The following DUSP29 variants were observed in gnomAD, a reference collection of about 807,000 sequenced individuals.
DUSP29 encodes the protein atypical dual-specific protein phosphatase.
In DUSP29, 12 loss-of-function variants were observed where a neutral mutation model predicts 13.5. The ratio of observed to expected loss-of-function variants is 0.89; its 90% CI spans 0.57 to 1.44. The LOEUF (loss-of-function observed/expected upper bound fraction) is 1.44, where lower values mean the gene tolerates loss of function less well. Among genes scored for constraint, DUSP29 ranks in the 40% most tolerant of loss-of-function variants. The pLI, the probability that DUSP29 is intolerant of heterozygous loss-of-function variation, is 0.00. For synonymous variants in DUSP29, 134 were observed against 128.7 expected (o/e 1.04, Z -0.28); for missense variants, 308 against 301.1 (o/e 1.02, Z -0.17).
intron 2 of DUSP29, among the ~76,000 whole-genome samples, chr10:75,053,826 G>C (rs755502462): frequency 7.9e-5 from 12 of 152,210 alleles, no homozygotes; most frequent in South Asian, 2.1e-4. Flanking sequence ...AAGGTGTCCA[G>C]TAAAGGGTTA....
intron 2 of DUSP29, among the ~76,000 whole-genome samples, chr10:75,055,165 T>C (rs1846931199): frequency 6.6e-6 from 1 of 152,128 alleles, no homozygotes; most frequent in Admixed American, 6.5e-5. Flanking sequence ...ATAGGAAATA[T>C]TTACTACATT....
chr10:75,073,034 A>C (rs1184182463), intron 1 of DUSP29, among the ~76,000 whole-genome samples: 2 of 143,360 alleles, frequency 1.4e-5, no homozygotes, highest in African/African-American at 2.6e-5. Context: ...CCCCAACCCC[A>C]TCCTCCCACC....
chr10:75,066,089 A>T (rs937846512), intron 1 of DUSP29, among the ~76,000 whole-genome samples: 3 of 152,130 alleles, frequency 2.0e-5, no homozygotes, highest in African/African-American at 7.2e-5. Flanking sequence ...AAAGAGGTGG[A>T]GTGAAACAAA....
chr10:75,044,118 G>A, intron 2 of DUSP29, 101 bp from the exon 3 acceptor site: 1 of 1,133,474 alleles, frequency 8.8e-7, no homozygotes, highest in Non-Finnish European at 1.2e-6. Context: ...TCCAGTTCCA[G>A]AATGAGGACT....
chr10:75,043,741 G>A, intron 3 of DUSP29, 56 bp downstream of exon 3: 1 of 1,476,272 alleles, frequency 6.8e-7, no homozygotes, highest in Non-Finnish European at 9.1e-7. Flanking sequence ...TACGGGCGGG[G>A]CGAGTCGGGG....
At chr10:75,044,861 G>A (rs1846670723) in intron 2 of DUSP29, among the ~76,000 whole-genome samples, 2 of 152,142 alleles carry the variant, frequency 1.3e-5, no homozygotes, top group Non-Finnish European at 2.9e-5. Context: ...GTCACTACAA[G>A]TGTCAACATT....
chr10:75,044,674 G>A (rs1369629891), intron 2 of DUSP29, among the ~76,000 whole-genome samples: 1 of 152,140 alleles, frequency 6.6e-6, no homozygotes, highest in East Asian at 1.9e-4. Context: ...TTATTTAATG[G>A]GCTACAGCTT....
intron 2 of DUSP29, among the ~76,000 whole-genome samples, 177 bp downstream of exon 2, chr10:75,058,138 T>C (rs1041860211): frequency 6.6e-6 from 1 of 152,210 alleles, no homozygotes; most frequent in Non-Finnish European, 1.5e-5. Flanking sequence ...TAAACCTCTA[T>C]CTTGCCTAAG....
Position 75,072,277 on chromosome 10 carries a change from G to C in DUSP29, c.-35+1292C>G, listed in dbSNP as rs560946013. Among the ~76,000 whole-genome samples, 3 of 152,194 alleles carry C rather than the reference G, an allele frequency of 2.0e-5. No individual in the cohort carries two copies. The East Asian group carries it at 5.8e-4, about 29-fold the overall frequency. On this transcript the variant is annotated intron_variant, in intron 1 of 3. Coordinates refer to ENST00000338487, the MANE Select transcript of DUSP29 (RefSeq NM_001003892.3). Reference sequence around the variant, plus strand: ...AGCACCCTGTAACACACACCCACTGGGGCTTCAGCTGTAAACATTCACCCC... The same window carrying C: ...AGCACCCTGTAACACACACCCACTGCGGCTTCAGCTGTAAACATTCACCCC...
chr10:75,072,881 G>A (rs941345402), intron 1 of DUSP29, among the ~76,000 whole-genome samples: 3 of 151,896 alleles, frequency 2.0e-5, no homozygotes, highest in African/African-American at 4.8e-5. Context: ...ACGCAGGCCC[G>A]TCCCACTTCC....
At chr10:75,067,255 C>T (rs750789129) in intron 1 of DUSP29, among the ~76,000 whole-genome samples, 11 of 152,078 alleles carry the variant, frequency 7.2e-5, no homozygotes, top group Non-Finnish European at 1.6e-4. Context: ...CCACTGCACC[C>T]GGCCTGAATT....
At chr10:75,060,400 C>T (rs1847061423) in intron 1 of DUSP29, among the ~76,000 whole-genome samples, 1 of 150,946 alleles carries the variant, frequency 6.6e-6, no homozygotes, top group Non-Finnish European at 1.5e-5. Flanking sequence ...CACTGGAGCC[C>T]AGGAGGCTGA....
chr10:75,072,995 ACCC>A (rs1330748423), intron 1 of DUSP29, among the ~76,000 whole-genome samples: 1 of 126,152 alleles, frequency 7.9e-6, no homozygotes, highest in Non-Finnish European at 1.7e-5. Flanking sequence ...ACCCAGTCCC[ACCC>A]CCCATCTCTA....
intron 1 of DUSP29, among the ~76,000 whole-genome samples, chr10:75,060,369 C>G (rs942748949): frequency 3.2e-4 from 48 of 151,194 alleles, no homozygotes; most frequent in African/African-American, 1.1e-3. Flanking sequence ...ACTCAGGAGG[C>G]TGAGGCTGAG....
chr10:75,064,474 C>T (rs1459052335), intron 1 of DUSP29, among the ~76,000 whole-genome samples: 1 of 152,168 alleles, frequency 6.6e-6, no homozygotes, highest in Non-Finnish European at 1.5e-5. Context: ...CGCCACTGCA[C>T]TCCAGCCTAG....
In DUSP29 at chr10:75,058,502, C is replaced by G. The variant is rs769399350; in HGVS notation, c.13G>C (p.Glu5Gln). 6.2e-7 allele frequency: 1 copy of G among 1,614,188 alleles called. No homozygotes were observed. The highest frequency in any genetic ancestry group is 2.2e-5 in the East Asian group (1 of 44,890). Residue 5 changes from glutamate to glutamine, a missense_variant, in exon 2 of 4, where the codon GAA (glutamate) becomes CAA (glutamine). By Grantham distance (29) the Glu-to-Gln change is conservative (BLOSUM62 2). Coordinates refer to ENST00000338487, the MANE Select transcript of DUSP29 (RefSeq NM_001003892.3). ...GCATTCTTGAGGCTTGTCTTCACTT[C>G]TCCAGATGTCATTTTAGAGCCAAGG... is the stretch of plus-strand genomic sequence containing the variant. MTSG[E>Q]VKTSLKNAYS...
chr10:75,046,494 C>T (rs374630189), intron 2 of DUSP29, among the ~76,000 whole-genome samples: 1 of 152,216 alleles, frequency 6.6e-6, no homozygotes, highest in Non-Finnish European at 1.5e-5. Context: ...CATGGCCCCT[C>T]GGCCAAGGGT....
chr10:75,051,557 C>A (rs1400771373), intron 2 of DUSP29, among the ~76,000 whole-genome samples: 1 of 152,138 alleles, frequency 6.6e-6, no homozygotes, highest in Non-Finnish European at 1.5e-5. Context: ...CGCTGCAGGC[C>A]CCACAGTCAC....
rs564523472 is a variant in DUSP29 at position 75,063,578 on chromosome 10, T to A, written c.-34-5030A>T. The stretch of plus-strand genomic sequence containing the variant: ...CACTTTTGAAATATGTCCTGCACAG[T>A]CTCCTGGAGGCTGGCCCGTGTGTTG... On this transcript the variant is annotated intron_variant, in intron 1 of 3. Coordinates refer to ENST00000338487, the MANE Select transcript of DUSP29 (RefSeq NM_001003892.3). 4.1e-3 allele frequency among the ~76,000 whole-genome samples: 623 copies of A among 152,110 alleles called. 4 individuals are homozygous for A. Among genetic ancestry groups the A allele is most frequent in the African/African-American group, 0.015 (603 of 41,478 alleles).
Sources: gnomAD v4.1 joint callset for allele counts (sites outside exome capture counted in the v4.1 genomes callset) on GRCh38, gnomAD v4.1.1 for gene constraint, MANE v1.5 for transcripts, NCBI Gene and HGNC (gene_info 2026-07-23, HGNC 2026-07-21) for gene names.